Variants in TNIK observed in about 807,000 individuals in gnomAD.
The protein encoded by TNIK is TRAF2 and NCK-interacting protein kinase.
A neutral mutation model predicts 191.3 loss-of-function variants in TNIK; 49 were observed. The ratio of observed to expected loss-of-function variants is 0.26; its 90% confidence interval spans 0.20 to 0.32. The LOEUF (loss-of-function observed/expected upper bound fraction) is 0.32, where lower values mean the gene tolerates loss of function less well. TNIK is among the 10% of genes least tolerant of loss of function. The pLI is 1.00. For missense variants in TNIK, 1,155 were observed against 1,702.3 expected (o/e 0.68, Z 5.66); for synonymous variants, 594 against 600.9 (o/e 0.99, Z 0.17).
intron 31 of TNIK, 24 bp from the exon 32 acceptor site, chr3:171,066,350 T>G (rs1307598847): frequency 6.2e-7 from 1 of 1,613,094 alleles, no homozygotes; most frequent in African/African-American, 1.3e-5. Flanking sequence ...TTTCCAAAAC[T>G]GCATTAAAAA....
At chr3:171,264,480 C>G (rs980653345) in intron 2 of TNIK, among the ~76,000 whole-genome samples, 2 of 151,960 alleles carry the variant, frequency 1.3e-5, no homozygotes, top group Admixed American at 6.6e-5. Context: ...CTCAGCCCCC[C>G]GAGTAGCTAG....
Position 171,063,001 on chromosome 3 carries a change from C to T in TNIK, c.*880G>A, listed in dbSNP as rs527655861. ...CCCAGAAGCTCTTTCTGTCTGACCC[C>T]ATCTGTCATCCCATCTTTTTCCCTG... is the stretch of plus-strand genomic sequence containing the variant. On this transcript the variant is annotated 3_prime_UTR_variant, in exon 33 of 33. Transcript: ENST00000436636. The T allele has an allele frequency of 6.6e-6, 1 of 152,286 alleles. No individual in the cohort carries two copies. Among genetic ancestry groups the T allele is most frequent in the East Asian group, 1.9e-4 (1 of 5,174 alleles). 9.4% of individuals were successfully genotyped at this position (152,286 alleles called of 1,614,324 possible).
At position 171,107,195 on chromosome 3, in the gene TNIK, T is replaced by G. The variant is rs2108487637; in HGVS notation, c.2394A>C (p.Lys798Asn). ...TRPSRPASYK[K>N]AIDEDLTALA... The stretch of plus-strand genomic sequence containing the variant: ...AGGTAATACTAACCTCATCTATAGC[T>G]TTTTTGTAGCTCTGAAATGAGAGGA... The change falls in exon 21 of 33, where the codon AAA (lysine) becomes AAC (asparagine). Residue 798 changes from lysine to asparagine, a missense_variant. Lys to Asn is a moderately conservative substitution (Grantham distance 94). Around this residue, in one of 3 missense-constraint regions of TNIK, gnomAD observed 735 missense variants for 848.0 expected, o/e 0.87. Transcript: ENST00000436636. 6.2e-7 allele frequency: 1 copy of G among 1,612,012 alleles called. No individual in the cohort carries two copies. The highest frequency in any genetic ancestry group is 2.2e-5 in the East Asian group (1 of 44,836).
intron 2 of TNIK, among the ~76,000 whole-genome samples, chr3:171,364,884 C>A (rs539115077): frequency 6.6e-6 from 1 of 151,950 alleles, no homozygotes; most frequent in African/African-American, 2.4e-5. Flanking sequence ...ACTTTAAAGA[C>A]CCTGAAGTGA....
chr3:171,195,441 T>C (rs1738566089), intron 4 of TNIK, among the ~76,000 whole-genome samples: 1 of 152,174 alleles, frequency 6.6e-6, no homozygotes, highest in South Asian at 2.1e-4. Flanking sequence ...TTTATAATTA[T>C]ATGAAAAGAA....
At chr3:171,260,869 G>C (rs1287718668) in intron 2 of TNIK, among the ~76,000 whole-genome samples, 1 of 152,128 alleles carries the variant, frequency 6.6e-6, no homozygotes, top group Non-Finnish European at 1.5e-5. Context: ...GTTGTTTAAA[G>C]CTATTCCTAA....
At chr3:171,100,093 C>T (rs1188221466) in intron 22 of TNIK, among the ~76,000 whole-genome samples, 4 of 152,168 alleles carry the variant, frequency 2.6e-5, no homozygotes, top group Admixed American at 6.5e-5. Context: ...AATCTTCTCT[C>T]ATCCTGATGC....
chr3:171,110,716 C>T lies in TNIK; in HGVS notation c.2282G>A (p.Arg761Gln), dbSNP rs756914989. 41 of 1,587,532 alleles carry T rather than the reference C, an allele frequency of 2.6e-5. No homozygotes were observed. The highest frequency in any genetic ancestry group is 1.8e-4 in the East Asian group (8 of 43,962). The change falls in exon 19 of 33, where the codon CGA becomes CAA. Residue 761 changes from arginine to glutamine, a missense_variant and splice_region_variant. Arg to Gln is a conservative substitution (Grantham distance 43). Transcript: ENST00000436636. ...QAGSSERTRV[R>Q]ANSKSEGSPV... ...GTAAAGGTAAGAGAAAGTTTTACCT[C>T]GAACTCTGGTGCGTTCACTGGATCC...
At chr3:171,097,657 A>C (rs548186693) in intron 22 of TNIK, among the ~76,000 whole-genome samples, 107 of 152,268 alleles carry the variant, frequency 7.0e-4, no homozygotes, top group Middle Eastern at 3.4e-3. Flanking sequence ...TTTGCTCCTC[A>C]TTCACCTTCC....
chr3:171,232,558 T>C (rs1265564714), intron 2 of TNIK, among the ~76,000 whole-genome samples: 5 of 152,166 alleles, frequency 3.3e-5, no homozygotes, highest in Non-Finnish European at 7.3e-5. Context: ...CTAGTGAACA[T>C]GCTAAATCTA....
At chr3:171,312,024 C>T (rs1754072212) in intron 2 of TNIK, among the ~76,000 whole-genome samples, 1 of 147,668 alleles carries the variant, frequency 6.8e-6, no homozygotes, top group Non-Finnish European at 1.5e-5. Flanking sequence ...AAATCTTAGC[C>T]ATCTGGGCTG....
In TNIK at chr3:171,447,059, C is replaced by T. The variant is rs550771880; in HGVS notation, c.57+12948G>A. Among the ~76,000 whole-genome samples, 22 of 152,168 alleles carry T rather than the reference C, an allele frequency of 1.4e-4. No individual in the cohort carries two copies. In the South Asian group the frequency reaches 3.7e-3, roughly 26 times the overall value. On this transcript the variant is annotated intron_variant, in intron 1 of 32. Coordinates refer to ENST00000436636, the MANE Select transcript of TNIK (RefSeq NM_015028.4). ...TACAAAAATTAGTTGGGCGTGGTGG[C>T]GAGCGCCTGTAATCCCAGCTACTCA...
intron 4 of TNIK, among the ~76,000 whole-genome samples, chr3:171,195,389 A>G (rs1738562188): frequency 6.6e-6 from 1 of 152,232 alleles, no homozygotes; most frequent in Admixed American, 6.5e-5. Flanking sequence ...ACCTTCAAAA[A>G]TATCTTCAAC....
chr3:171,135,315 A>C (rs1729830809), intron 15 of TNIK, among the ~76,000 whole-genome samples: 1 of 152,258 alleles, frequency 6.6e-6, no homozygotes, highest in African/African-American at 2.4e-5. Context: ...GAAGCATTAA[A>C]AGATCAAGAA....
intron 1 of TNIK, among the ~76,000 whole-genome samples, chr3:171,405,025 G>A (rs1018957557): frequency 1.3e-5 from 2 of 152,172 alleles, no homozygotes; most frequent in African/African-American, 4.8e-5. Context: ...AGGTGACTGA[G>A]GGTTTTACAC....
chr3:171,294,284 A>G (rs1752014628), intron 2 of TNIK, among the ~76,000 whole-genome samples: 1 of 151,980 alleles, frequency 6.6e-6, no homozygotes, highest in South Asian at 2.1e-4. Context: ...CTAGCCAGGC[A>G]TGATGGCATA....
chr3:171,426,749 A>T (rs1188914723), intron 1 of TNIK, among the ~76,000 whole-genome samples: 1 of 151,910 alleles, frequency 6.6e-6, no homozygotes, highest in African/African-American at 2.4e-5. Flanking sequence ...GCCACTGTCA[A>T]CCCGTCTTTA....
intron 23 of TNIK, among the ~76,000 whole-genome samples, chr3:171,092,725 C>A (rs1722225045): frequency 6.6e-6 from 1 of 152,222 alleles, no homozygotes; most frequent in Non-Finnish European, 1.5e-5. Flanking sequence ...AGCCCCACTG[C>A]TAATTATTAT....
At chr3:171,083,246 A>C (rs536874539) in intron 26 of TNIK, among the ~76,000 whole-genome samples, 2 of 152,116 alleles carry the variant, frequency 1.3e-5, no homozygotes, top group African/African-American at 4.8e-5. Context: ...GATCAACACA[A>C]ATGTCTGCTT....
Sources: gnomAD v4.1 joint callset for allele counts (sites outside exome capture counted in the v4.1 genomes callset) on GRCh38, gnomAD v4.1.1 for gene constraint, gnomAD v4.1.1 regional missense constraint, MANE v1.5 for transcripts, NCBI Gene and HGNC (gene_info 2026-07-23, HGNC 2026-07-21) for gene names.